Variants in OR6J1 observed in about 807,000 individuals in gnomAD.
OR6J1 encodes the protein olfactory receptor 6J1.
For missense variants in OR6J1, 304 were observed against 166.8 expected (o/e 1.82, Z -4.53); for synonymous variants, 109 against 70.0 (o/e 1.56, Z -2.78).
chr14:22,636,072 T>C (rs868377347), intron 1 of OR6J1, among the ~76,000 whole-genome samples: 21 of 152,124 alleles, frequency 1.4e-4, no homozygotes, highest in Middle Eastern at 6.8e-3. Context: ...AATTAACATT[T>C]TGATTCATAC....
At chr14:22,637,515 C>A in intron 1 of OR6J1, among the ~76,000 whole-genome samples, 1 of 33,138 alleles carries the variant, frequency 3.0e-5, no homozygotes, top group Non-Finnish European at 5.8e-5. Flanking sequence ...CCCGGCCAGC[C>A]GCCCCGTCCG....
At chr14:22,638,974 C>T (rs1170589601) in intron 1 of OR6J1, among the ~76,000 whole-genome samples, 5 of 115,628 alleles carry the variant, frequency 4.3e-5, no homozygotes, top group East Asian at 4.3e-4. Flanking sequence ...TCTGCCCCGC[C>T]GCCCCATCTG....
chr14:22,640,711 G>A (rs1298199631), intron 1 of OR6J1, among the ~76,000 whole-genome samples: 4 of 151,128 alleles, frequency 2.6e-5, no homozygotes, highest in Non-Finnish European at 5.9e-5. Flanking sequence ...CGTAGCTATG[G>A]GATCTCACTA....
At position 22,632,978 on chromosome 14, in the gene OR6J1, T is replaced by C. The variant is rs539216469; in HGVS notation, c.*790A>G. ...CCACTCCAGCCACCAAGCCTATTTC[T>C]GCTTCCAGGGGAAGCATCACACTTG... On this transcript the variant is annotated 3_prime_UTR_variant, in exon 2 of 2. Coordinates refer to ENST00000540461, the MANE Select transcript of OR6J1 (RefSeq NM_001348233.2). 1 of 152,366 alleles carries C rather than the reference T, an allele frequency of 6.6e-6. No individual in the cohort carries two copies. Among genetic ancestry groups the C allele is most frequent in the Non-Finnish European group, 1.5e-5 (1 of 68,036 alleles). 9.4% of individuals were successfully genotyped at this position (152,366 alleles called of 1,614,324 possible). A position where few individuals can be genotyped will look rare whatever the true frequency, so the allele number is the denominator to read the frequency against.
chr14:22,643,025 T>A (rs970739548), intron 1 of OR6J1, among the ~76,000 whole-genome samples: 1 of 151,092 alleles, frequency 6.6e-6, no homozygotes, highest in Non-Finnish European at 1.5e-5. Flanking sequence ...TGGAGTGCAA[T>A]GGTGCAATCT....
chr14:22,634,845 G>C lies in OR6J1; in HGVS notation c.-27-7C>G. On this transcript the variant is annotated splice_polypyrimidine_tract_variant and splice_region_variant and intron_variant, in intron 1 of 1. Coordinates refer to ENST00000540461, the MANE Select transcript of OR6J1 (RefSeq NM_001348233.2). ...TGGGCCTGGCTCAATTCTCCTAACA[G>C]AACAAAGGGAGATAACACTTAAGAG... The C allele has an allele frequency of 4.7e-6, 3 of 639,752 alleles. No homozygotes were observed. The highest frequency in any genetic ancestry group is 5.6e-6 in the Non-Finnish European group (2 of 356,502). 39.6% of individuals were successfully genotyped at this position (639,752 alleles called of 1,614,324 possible). A position where few individuals can be genotyped will look rare whatever the true frequency, so the allele number is the denominator to read the frequency against.
At position 22,638,669 on chromosome 14, in the gene OR6J1, A is replaced by T. The variant is rs1458142270; in HGVS notation, c.-27-3831T>A. Among the ~76,000 whole-genome samples, 24 of 47,406 alleles carry T rather than the reference A, an allele frequency of 5.1e-4. 1 individual carries two copies. The highest frequency in any genetic ancestry group is 9.8e-4 in the African/African-American group (4 of 4,098). 31.1% of individuals were successfully genotyped at this position (47,406 alleles called of 152,430 possible). ...ATCAATAAAAAAAATAAAAATAAAA[A>T]AAAAATAAAAAAAATTAAGACACTA... On this transcript the variant is annotated intron_variant, in intron 1 of 1. Transcript: ENST00000540461.
At chr14:22,642,312 AATATATATATATATATATATATATAT>A (rs71421135) in intron 1 of OR6J1, among the ~76,000 whole-genome samples, 24 of 109,236 alleles carry the variant, frequency 2.2e-4, no homozygotes, top group African/African-American at 9.0e-4. Flanking sequence ...TCAACTTAAG[AATATATATATATATATATATATATAT>A]ATATATATAT....
rs1161029335 is a variant in OR6J1, at chr14:22,633,801, TGGA to T, written c.1008_1010del (p.Pro338del). 1.4e-6 allele frequency: 1 copy of T among 697,998 alleles called. No homozygotes were observed. Among genetic ancestry groups the T allele is most frequent in the East Asian group, 2.7e-5 (1 of 37,300 alleles). The allele number at this position is 697,998 out of a possible 1,614,324, so 43.2% of individuals were successfully genotyped here. On this transcript the variant is annotated inframe_deletion, in exon 2 of 2. Coordinates refer to ENST00000540461, the MANE Select transcript of OR6J1 (RefSeq NM_001348233.2). ...GGAGCTTTACAGAATAGACACATGG[TGGA>T]GAAGAGCAAGCCCTTCCTTGGTGGT... is the stretch of plus-strand genomic sequence containing the variant.
intron 1 of OR6J1, among the ~76,000 whole-genome samples, chr14:22,635,748 A>G (rs1051927036): frequency 2.0e-5 from 3 of 152,216 alleles, no homozygotes; most frequent in African/African-American, 7.2e-5. Flanking sequence ...CATAGGGGAA[A>G]AAGTAAAATT....
In OR6J1 at chr14:22,631,365, G is replaced by A. The variant is rs974562879; in HGVS notation, c.*2403C>T. ...GGCACGCCCAGGGGGGCCGTCTATA[G>A]GACTACACTCCCAGGCGCGTACTCT... On this transcript the variant is annotated 3_prime_UTR_variant, in exon 2 of 2. Transcript: ENST00000540461. The A allele has an allele frequency of 6.6e-6, 1 of 152,166 alleles. No homozygotes were observed. Among genetic ancestry groups the A allele is most frequent in the African/African-American group, 2.4e-5 (1 of 41,418 alleles). The allele number at this position is 152,166 out of a possible 1,614,324, so 9.4% of individuals were successfully genotyped here.
At position 22,640,906 on chromosome 14, in the gene OR6J1, C is replaced by T. The variant is rs367595935; in HGVS notation, c.-28+3192G>A. On this transcript the variant is annotated intron_variant, in intron 1 of 1. Transcript: ENST00000540461. Reference sequence around the variant, plus strand: ...AAGTTAAGCTGGGCATGGTGGCTAACGCGTGTAATCCCAGCACTATGGAAG... The same window carrying T: ...AAGTTAAGCTGGGCATGGTGGCTAATGCGTGTAATCCCAGCACTATGGAAG... 7.5e-4 allele frequency among the ~76,000 whole-genome samples: 113 copies of T among 151,316 alleles called. 3 individuals are homozygous for T. Among genetic ancestry groups the T allele is most frequent in the African/African-American group, 2.2e-3 (90 of 41,350 alleles).
chr14:22,634,326 G>A lies in OR6J1; in HGVS notation c.486C>T (p.Ile162=), dbSNP rs2037568145. The change falls in exon 2 of 2, where the codon ATC becomes ATT. Residue 162 remains isoleucine (I), a synonymous_variant. Transcript: ENST00000540461. ...FLSVLFPTIL[I]SQLPFCGSNI... Reference sequence around the variant, plus strand: ...TGGAGCCACAGAAGGGCAGCTGGGAGATGAGGATGGTTGGAAAGAGCACAG... The same window carrying A: ...TGGAGCCACAGAAGGGCAGCTGGGAAATGAGGATGGTTGGAAAGAGCACAG... 2.8e-6 allele frequency: 2 copies of A among 703,372 alleles called. No homozygotes were observed. Among genetic ancestry groups the A allele is most frequent in the South Asian group, 1.5e-5 (1 of 67,586 alleles). The allele number at this position is 703,372 out of a possible 1,614,324, so 43.6% of individuals were successfully genotyped here.
intron 1 of OR6J1, among the ~76,000 whole-genome samples, chr14:22,640,258 CAAGGAAGGAAGG>C (rs537492759): frequency 2.3e-4 from 18 of 79,614 alleles, no homozygotes; most frequent in South Asian, 1.9e-3. Flanking sequence ...AGGAAGGAAG[CAAGGAAGGAAGG>C]AAGGAAGGAA....
rs1290187623 is a variant in OR6J1 at position 22,639,994 on chromosome 14, TTAA to T, written c.-28+4101_-28+4103del. On this transcript the variant is annotated intron_variant, in intron 1 of 1. Transcript: ENST00000540461. ...AAGAATTATCAATAAAAAAATAAATTTAAAAAAAAAAAAAATTTACACTGCTAG... is the reference window on the plus strand; with the variant it reads ...AAGAATTATCAATAAAAAAATAAATTAAAAAAAAAAAATTTACACTGCTAG... 1.2e-3 allele frequency among the ~76,000 whole-genome samples: 27 copies of T among 22,750 alleles called. 4 individuals are homozygous for T. The highest frequency in any genetic ancestry group is 2.4e-3 in the African/African-American group (25 of 10,566). 14.9% of individuals were successfully genotyped at this position (22,750 alleles called of 152,430 possible).
intron 1 of OR6J1, among the ~76,000 whole-genome samples, chr14:22,643,754 CACACACACACAG>C (rs1324211009): frequency 7.5e-4 from 70 of 93,154 alleles, no homozygotes; most frequent in African/African-American, 2.8e-3. Flanking sequence ...CACACACACA[CACACACACACAG>C]AGAGAGAGAG....
At chr14:22,635,789 C>T (rs1165965038) in intron 1 of OR6J1, among the ~76,000 whole-genome samples, 5 of 152,074 alleles carry the variant, frequency 3.3e-5, no homozygotes, top group African/African-American at 4.8e-5. Flanking sequence ...ACACTAACAT[C>T]CACTCCAGAT....
rs750821388 is a variant in OR6J1, at chr14:22,634,512, G to A, written c.300C>T (p.Cys100=). ...CTGTGCCCAAGAAAAAGTAGAAATAGCACTGGGTGATACATCCGGCAAAGG... is the reference window on the plus strand; with the variant it reads ...CTGTGCCCAAGAAAAAGTAGAAATAACACTGGGTGATACATCCGGCAAAGG... ...TISFAGCITQ[C]YFYFFLGTVE... is the part of the protein sequence containing the mutation. Residue 100 remains cysteine (C), a synonymous_variant, in exon 2 of 2, where the codon TGC becomes TGT. Coordinates refer to ENST00000540461, the MANE Select transcript of OR6J1 (RefSeq NM_001348233.2). The A allele has an allele frequency of 1.4e-6, 1 of 703,632 alleles. No individual in the cohort carries two copies. Among genetic ancestry groups the A allele is most frequent in the South Asian group, 1.5e-5 (1 of 67,582 alleles). The allele number at this position is 703,632 out of a possible 1,614,324, so 43.6% of individuals were successfully genotyped here.
rs1681592 is a variant in OR6J1, at chr14:22,632,165, T to C, written c.*1603A>G. On this transcript the variant is annotated 3_prime_UTR_variant, in exon 2 of 2. Transcript: ENST00000540461. ...AATTAAACCTCAGAGATTCTGATGA[T>C]ATTGAAAAGCTGGTTTGCACTGAGC... 0.23 allele frequency: 35,383 copies of C among 152,206 alleles called. 4,409 individuals are homozygous for C. Among genetic ancestry groups the C allele is most frequent in the African/African-American group, 0.32 (13,356 of 41,454 alleles). The allele number at this position is 152,206 out of a possible 1,614,324, so 9.4% of individuals were successfully genotyped here.
Sources: allele counts gnomAD v4.1 joint callset (sites outside exome capture counted in the v4.1 genomes callset), GRCh38; gene constraint gnomAD v4.1.1; transcripts MANE v1.5; gene names NCBI Gene and HGNC (gene_info 2026-07-23, HGNC 2026-07-21).